TMEM232: variants seen among roughly 807,000 people sequenced by gnomAD.
TMEM232 encodes the protein transmembrane protein 232.
Under a neutral mutation model 78.8 loss-of-function variants are expected in TMEM232, and 80 were observed. That is an observed-to-expected ratio of 1.01 (90% CI 0.85 to 1.22). The LOEUF is 1.22. TMEM232 is among the 50% of genes most tolerant of loss of function. The pLI, the probability that TMEM232 is intolerant of heterozygous loss-of-function variation, is 0.00. For synonymous variants in TMEM232, 297 were observed against 254.3 expected, an observed-to-expected ratio of 1.17 and a Z score of -1.60; for missense variants, 881 against 742.2, an observed-to-expected ratio of 1.19 and a Z score of -2.17.
chr5:110,430,653 C>A (rs546033205), intron 12 of TMEM232, among the ~76,000 whole-genome samples: 1 of 151,708 alleles, frequency 6.6e-6, no homozygotes, highest in East Asian at 1.9e-4. Context: ...TCACTAGTGT[C>A]ATAATCATCG....
At chr5:110,639,030 G>C (rs1168734271) in intron 4 of TMEM232, among the ~76,000 whole-genome samples, 1 of 152,146 alleles carries the variant, frequency 6.6e-6, no homozygotes, top group Non-Finnish European at 1.5e-5. Context: ...GAGCTTCCAT[G>C]TAAATATATG....
intron 12 of TMEM232, among the ~76,000 whole-genome samples, chr5:110,522,279 A>G (rs868066115): frequency 5.9e-5 from 9 of 152,170 alleles, no homozygotes; most frequent in Middle Eastern, 3.2e-3. Context: ...TGTATCCTGC[A>G]ACTTTACTGA....
In TMEM232 at chr5:110,606,273, A is replaced by C; in HGVS notation, c.917T>G (p.Leu306Arg). 1 of 1,532,666 alleles carries C rather than the reference A, an allele frequency of 6.5e-7. No homozygotes were observed. Among genetic ancestry groups the C allele is most frequent in the Non-Finnish European group, 8.8e-7 (1 of 1,135,160 alleles). 94.9% of individuals were successfully genotyped at this position (1,532,666 alleles called of 1,614,324 possible). ...AGCCTCCCCAAGGACCAGTAAAGCCAGTACTGAATCCAACCTGAAAATTTT... is the reference window on the plus strand; with the variant it reads ...AGCCTCCCCAAGGACCAGTAAAGCCCGTACTGAATCCAACCTGAAAATTTT... ...LQKKCWLDSV[L>R]ALLVLGEAAK... The change falls in exon 9 of 14, where the codon CTG becomes CGG. Residue 306 changes from leucine (L) to arginine (R), a missense_variant. Coordinates refer to ENST00000455884, the MANE Select transcript of TMEM232 (RefSeq NM_001039763.4).
chr5:110,695,407 G>A (rs1359839702), intron 1 of TMEM232, among the ~76,000 whole-genome samples: 8 of 152,112 alleles, frequency 5.3e-5, no homozygotes, highest in African/African-American at 1.9e-4. Context: ...AGGAGCAAGA[G>A]CAAACACATT....
chr5:110,425,025 A>G, intron 12 of TMEM232, 109 bp from the exon 13 acceptor site: 1 of 823,366 alleles, frequency 1.2e-6, no homozygotes, highest in Non-Finnish European at 1.9e-6. Flanking sequence ...TTGATTCTTC[A>G]TTGTTAACAT....
intron 11 of TMEM232, among the ~76,000 whole-genome samples, chr5:110,556,147 C>G (rs762970947): frequency 6.6e-6 from 1 of 152,086 alleles, no homozygotes; most frequent in Non-Finnish European, 1.5e-5. Flanking sequence ...GTTTAGCACT[C>G]CCTTGAGGAC....
intron 12 of TMEM232, among the ~76,000 whole-genome samples, chr5:110,430,283 G>GTAT (rs1554076422): frequency 6.6e-6 from 1 of 150,894 alleles, no homozygotes; most frequent in Non-Finnish European, 1.5e-5. Context: ...TAGCTTTGTG[G>GTAT]TATTATACTA....
At chr5:110,499,635 C>CCCCACA (rs376076876) in intron 12 of TMEM232, among the ~76,000 whole-genome samples, 3 of 143,602 alleles carry the variant, frequency 2.1e-5, no homozygotes, top group African/African-American at 8.5e-5. Context: ...ACACCCCCCC[C>CCCCACA]CACACACACA....
chr5:110,610,235 A>G (rs72771459), intron 8 of TMEM232, among the ~76,000 whole-genome samples: 10,886 of 43,428 alleles, frequency 0.25, 629 homozygotes, highest in Middle Eastern at 0.38. Context: ...AGGGAAAAAG[A>G]AAGGAAGGAA....
intron 12 of TMEM232, among the ~76,000 whole-genome samples, chr5:110,519,858 A>G (rs1254481524): frequency 2.0e-5 from 3 of 150,242 alleles, no homozygotes; most frequent in Non-Finnish European, 4.4e-5. Flanking sequence ...GTTAAATTAA[A>G]TAAGCCAGGC....
At position 110,548,044 on chromosome 5, in the gene TMEM232, A is replaced by G. The variant is rs558627883; in HGVS notation, c.1456-19209T>C. Among the ~76,000 whole-genome samples, 4 of 151,072 alleles carry G rather than the reference A, an allele frequency of 2.6e-5. No homozygotes were observed. The South Asian group carries it at 6.2e-4, about 24-fold the overall frequency. ...GCAAAAAGCAAATAAATGAATACTCACAGAATTCAACATCAGCAGAGGCTC... is the reference window on the plus strand; with the variant it reads ...GCAAAAAGCAAATAAATGAATACTCGCAGAATTCAACATCAGCAGAGGCTC... On this transcript the variant is annotated intron_variant, in intron 11 of 13. Coordinates refer to ENST00000455884, the MANE Select transcript of TMEM232 (RefSeq NM_001039763.4).
intron 2 of TMEM232, among the ~76,000 whole-genome samples, chr5:110,401,396 A>G (rs867259843): frequency 9.9e-5 from 15 of 151,992 alleles, no homozygotes; most frequent in African/African-American, 3.1e-4. Flanking sequence ...CTGGAACAAC[A>G]TATCAAGCCA....
In TMEM232 at chr5:110,460,924, G is replaced by C. The variant is rs1761454668; in HGVS notation, c.1704-36008C>G. ...AAGATGGCAAACTCAGATACACATT[G>C]TACGTGTTCTGACTGCTCAACTGAC... On this transcript the variant is annotated intron_variant, in intron 12 of 13. Transcript: ENST00000455884. Among the ~76,000 whole-genome samples, 3 of 152,188 alleles carry C rather than the reference G, an allele frequency of 2.0e-5. No homozygotes were observed. The South Asian group carries it at 6.2e-4, about 32-fold the overall frequency.
At chr5:110,513,132 T>G (rs1055849371) in intron 12 of TMEM232, among the ~76,000 whole-genome samples, 2 of 152,176 alleles carry the variant, frequency 1.3e-5, no homozygotes, top group African/African-American at 4.8e-5. Flanking sequence ...AACAGATAGA[T>G]AGATAGAAAT....
At chr5:110,645,167 C>T (rs539574073) in intron 2 of TMEM232, among the ~76,000 whole-genome samples, 1 of 151,668 alleles carries the variant, frequency 6.6e-6, no homozygotes, top group East Asian at 1.9e-4. Flanking sequence ...TGAATTACTA[C>T]CAACTCTGTT....
chr5:110,667,681 C>G (rs1561483473), intron 1 of TMEM232: 1 of 164,196 alleles, frequency 6.1e-6, no homozygotes, highest in African/African-American at 2.4e-5. Context: ...TGCTCTGTGC[C>G]TCAGCTTCCT....
intron 10 of TMEM232, among the ~76,000 whole-genome samples, chr5:110,580,114 A>G (rs1480124407): frequency 1.3e-5 from 2 of 151,764 alleles, no homozygotes; most frequent in Non-Finnish European, 3.0e-5. Context: ...CTAAAAAGAT[A>G]TAACAATTAT....
At chr5:110,618,687 T>G in intron 7 of TMEM232, 125 bp from the exon 8 acceptor site, 1 of 1,035,084 alleles carries the variant, frequency 9.7e-7, no homozygotes, top group Non-Finnish European at 1.3e-6. Context: ...CTCTTACACT[T>G]TATATTTCAC....
chr5:110,721,039 T>C (rs1027084158), intron 1 of TMEM232, among the ~76,000 whole-genome samples: 3 of 152,140 alleles, frequency 2.0e-5, no homozygotes, highest in South Asian at 4.1e-4. Context: ...CATCTTAAAA[T>C]AATGCTGAAA....
Sources: gnomAD v4.1 joint callset for allele counts (sites outside exome capture counted in the v4.1 genomes callset) on GRCh38, gnomAD v4.1.1 for gene constraint, MANE v1.5 for transcripts, NCBI Gene and HGNC (gene_info 2026-07-23, HGNC 2026-07-21) for gene names.